Variants in INSL6 observed in about 807,000 individuals in gnomAD.
INSL6 encodes insulin like 6.
A neutral mutation model predicts 9.4 loss-of-function variants in INSL6; 16 were observed. The observed-to-expected ratio is 1.70, with a 90% CI of 1.15 to 2.59. The LOEUF (loss-of-function observed/expected upper bound fraction) is 2.59. Among genes scored for constraint, INSL6 ranks in the 30% most tolerant of loss-of-function variants. INSL6 has a pLI of 0.00. For missense variants in INSL6, 391 were observed against 257.3 expected (o/e 1.52, Z -3.56); for synonymous variants, 154 against 96.9 (o/e 1.59, Z -3.46).
the INSL6 span, among the ~76,000 whole-genome samples, chr9:5,064,604 C>A: frequency 9.9e-5 from 15 of 151,746 alleles, no homozygotes; most frequent in South Asian, 3.1e-3. Context: ...AGATTTCTAG[C>A]TGAGATAACT....
chr9:5,036,496 C>A, the INSL6 span, among the ~76,000 whole-genome samples: 9 of 152,250 alleles, frequency 5.9e-5, no homozygotes, highest in East Asian at 1.5e-3. Context: ...GCTACAGTAA[C>A]CAAAACAGCA....
rs776204889 is a variant in INSL6, at chr9:5,185,525, G to C, written c.78C>G (p.Ile26Met). ...LVRFSRELSD[I>M]SSARKLCGRY... Reference sequence around the variant, plus strand: ...TGCCGCACAGCTTCCTGGCACTGCTGATGTCGCTCAGTTCACGAGAAAACC... The same window carrying C: ...TGCCGCACAGCTTCCTGGCACTGCTCATGTCGCTCAGTTCACGAGAAAACC... The change falls in exon 1 of 2, where the codon ATC becomes ATG. Residue 26 changes from isoleucine (I) to methionine (M), a missense_variant. Ile to Met is a conservative substitution (Grantham distance 10, BLOSUM62 1). Coordinates refer to ENST00000381641, the MANE Select transcript of INSL6 (RefSeq NM_007179.3). The C allele has an allele frequency of 6.2e-7, 1 of 1,614,180 alleles. No individual in the cohort carries two copies. The highest frequency in any genetic ancestry group is 1.1e-5 in the South Asian group (1 of 91,076).
the INSL6 span, among the ~76,000 whole-genome samples, chr9:5,011,502 T>A: frequency 6.6e-6 from 1 of 152,252 alleles, no homozygotes; most frequent in Non-Finnish European, 1.5e-5. Flanking sequence ...GATTTCTTGA[T>A]ATTGTAGAGT....
chr9:5,130,742 T>C (rs928630867), intron 3 of INSL6, among the ~76,000 whole-genome samples: 2 of 151,344 alleles, frequency 1.3e-5, no homozygotes, highest in African/African-American at 4.8e-5. Context: ...TTTTTTATTT[T>C]TTTTGAGACG....
intron 2 of INSL6, among the ~76,000 whole-genome samples, chr9:5,153,365 C>T (rs1273171278): frequency 6.6e-6 from 1 of 152,152 alleles, no homozygotes; most frequent in African/African-American, 2.4e-5. Context: ...GGAGGAGCAT[C>T]CGCCATTGCT....
At chr9:5,179,996 C>A (rs886269786) in intron 1 of INSL6, among the ~76,000 whole-genome samples, 1 of 152,082 alleles carries the variant, frequency 6.6e-6, no homozygotes, top group African/African-American at 2.4e-5. Context: ...TACTCCTGAA[C>A]TTAGAAGGTG....
chr9:5,051,340 T>C, the INSL6 span, among the ~76,000 whole-genome samples: 1 of 152,176 alleles, frequency 6.6e-6, no homozygotes, highest in African/African-American at 2.4e-5. Context: ...GGCATACTTT[T>C]TGATAGAAGA....
intron 3 of INSL6, chr9:5,127,412 T>C (rs1304897450): frequency 4.3e-6 from 1 of 231,658 alleles, no homozygotes; most frequent in Non-Finnish European, 8.6e-6. Context: ...ACTGTAAATA[T>C]TTTTCACATA....
intron 1 of INSL6, among the ~76,000 whole-genome samples, chr9:5,179,785 C>A (rs1378401465): frequency 6.6e-6 from 1 of 152,164 alleles, no homozygotes; most frequent in African/African-American, 2.4e-5. Flanking sequence ...TAAGTGTGAA[C>A]TGAACGATGA....
chr9:5,179,240 G>A (rs1343433747), intron 1 of INSL6, among the ~76,000 whole-genome samples: 3 of 151,986 alleles, frequency 2.0e-5, no homozygotes, highest in Non-Finnish European at 4.4e-5. Context: ...ACATATATGT[G>A]GCCAACAAAC....
the INSL6 span, chr9:5,111,439 G>A: frequency 2.5e-3 from 1,001 of 395,020 alleles, 14 homozygotes; most frequent in African/African-American, 0.019. Context: ...GGAAGGTCCC[G>A]CCTGGTCTTC....
intron 1 of INSL6, among the ~76,000 whole-genome samples, chr9:5,184,749 C>A (rs754132819): frequency 1.3e-5 from 2 of 152,160 alleles, no homozygotes; most frequent in African/African-American, 4.8e-5. Flanking sequence ...GATAGGAGAA[C>A]GGACCAGGCC....
chr9:5,080,338 C>T, the INSL6 span: 1 of 1,613,594 alleles, frequency 6.2e-7, no homozygotes, highest in African/African-American at 1.3e-5. Flanking sequence ...GGGAAATCTG[C>T]AGTGGAGGAG....
At position 5,152,753 on chromosome 9, in the gene INSL6, C is replaced by T. The variant is rs554781249; in HGVS notation, c.376+11426G>A. On this transcript the variant is annotated intron_variant, in intron 2 of 3. Coordinates refer to the INSL6 transcript ENST00000649639. Reference sequence around the variant, plus strand: ...GATGATCTGAAAAGACCAAGAGTTGCTGGTGAGATGGCCAAACAGGAACAG... The same window carrying T: ...GATGATCTGAAAAGACCAAGAGTTGTTGGTGAGATGGCCAAACAGGAACAG... Among the ~76,000 whole-genome samples the T allele has an allele frequency of 2.0e-5, 3 of 152,272 alleles. No individual in the cohort carries two copies. The South Asian group carries it at 6.2e-4, about 32-fold the overall frequency.
intron 1 of INSL6, among the ~76,000 whole-genome samples, chr9:5,181,585 A>C (rs1198921057): frequency 6.6e-6 from 1 of 152,242 alleles, no homozygotes; most frequent in Non-Finnish European, 1.5e-5. Context: ...AGGACCTCTA[A>C]TACATAAGGC....
At chr9:4,997,186 C>T in the INSL6 span, among the ~76,000 whole-genome samples, 6 of 152,064 alleles carry the variant, frequency 3.9e-5, no homozygotes, top group Non-Finnish European at 1.5e-5. Context: ...TCTGCATCAG[C>T]CTCCCAAAGT....
chr9:5,108,755 A>G, the INSL6 span: 1 of 152,172 alleles, frequency 6.6e-6, no homozygotes, highest in Non-Finnish European at 1.5e-5. Flanking sequence ...TTTGTCTACA[A>G]ACCGATGTAA....
the INSL6 span, among the ~76,000 whole-genome samples, chr9:5,008,073 G>C: frequency 6.6e-6 from 1 of 152,152 alleles, no homozygotes; most frequent in African/African-American, 2.4e-5. Flanking sequence ...AGAATAACAT[G>C]AGTGGGTAAT....
the INSL6 span, among the ~76,000 whole-genome samples, chr9:5,056,834 TTGGC>T: frequency 6.6e-6 from 1 of 152,194 alleles, no homozygotes; most frequent in Non-Finnish European, 1.5e-5. Context: ...GTATTTGGAC[TTGGC>T]TTAATTTTAA....
Sources: gnomAD v4.1 joint callset for allele counts (sites outside exome capture counted in the v4.1 genomes callset) on GRCh38, gnomAD v4.1.1 for gene constraint, MANE v1.5 for transcripts, NCBI Gene and HGNC (gene_info 2026-07-23, HGNC 2026-07-21) for gene names.